PHF20L1: variants seen among roughly 807,000 people sequenced by gnomAD.
PHF20L1 encodes PHD finger protein 20-like protein 1.
PHF20L1 carries 44 observed loss-of-function variants against 125.5 expected under a neutral mutation model. That is an observed-to-expected ratio of 0.35 (90% confidence interval 0.28 to 0.45). The LOEUF (loss-of-function observed/expected upper bound fraction) is 0.45, where lower values mean the gene tolerates loss of function less well. PHF20L1 is among the 20% of genes least tolerant of loss of function. The pLI, the probability that PHF20L1 is intolerant of heterozygous loss-of-function variation, is 1.00. For missense variants in PHF20L1, 1,012 were observed against 1,217.2 expected, an observed-to-expected ratio of 0.83 and a Z score of 2.51; for synonymous variants, 380 against 403.1, an observed-to-expected ratio of 0.94 and a Z score of 0.69.
chr8:132,818,275 C>T (rs1052360554), intron 12 of PHF20L1: 2 of 151,784 alleles, frequency 1.3e-5, no homozygotes, highest in African/African-American at 2.4e-5. Context: ...AAATGCACTT[C>T]TGGTAAATTA....
chr8:132,781,398 T>G (rs1830408572), intron 2 of PHF20L1, among the ~76,000 whole-genome samples: 2 of 152,142 alleles, frequency 1.3e-5, no homozygotes, highest in African/African-American at 4.8e-5. Context: ...GTGATTTATT[T>G]ATTTTTATTT....
chr8:132,803,745 A>G lies in PHF20L1; in HGVS notation c.508-74A>G, dbSNP rs1002746069. ...GTGAAAGTAGCTTTGAAAATGTGACACATATTTTTATTAGTGTAATTACAT... is the reference window on the plus strand; with the variant it reads ...GTGAAAGTAGCTTTGAAAATGTGACGCATATTTTTATTAGTGTAATTACAT... On this transcript the variant is annotated intron_variant, in intron 6 of 20. Coordinates refer to ENST00000395386, the MANE Select transcript of PHF20L1 (RefSeq NM_016018.5). The G allele has an allele frequency of 1.2e-5, 9 of 762,390 alleles. No individual in the cohort carries two copies. In the African/African-American group the frequency reaches 1.2e-4, roughly 10 times the overall value. The allele number at this position is 762,390 out of a possible 1,614,324, so 47.2% of individuals were successfully genotyped here.
chr8:132,794,655 A>C (rs904979586), intron 3 of PHF20L1, 74 bp downstream of exon 3: 39 of 1,502,084 alleles, frequency 2.6e-5, no homozygotes, highest in Admixed American at 3.7e-5. Flanking sequence ...ATTCTGTTAA[A>C]TTATACAAAA....
At chr8:132,810,825 T>G in intron 8 of PHF20L1, 1 of 466,142 alleles carries the variant, frequency 2.1e-6, no homozygotes, top group Non-Finnish European at 3.9e-6. Context: ...TGAGTAATAT[T>G]AAACAACAGA....
intron 13 of PHF20L1, 184 bp from the exon 14 acceptor site, chr8:132,825,080 C>G: frequency 6.6e-7 from 1 of 1,504,062 alleles, no homozygotes. Flanking sequence ...AAGATCCCCT[C>G]TTATAGTCCA....
In PHF20L1 at chr8:132,780,844, CT is replaced by C. The variant is rs199806400; in HGVS notation, c.83+2951del. On this transcript the variant is annotated intron_variant, in intron 2 of 20. Coordinates refer to ENST00000395386, the MANE Select transcript of PHF20L1 (RefSeq NM_016018.5). ...AAATGCCTATTAAAGGTTTTTCTTGCTTTTTTTTTTTTTTTTTTGAGACAGA... is the reference window on the plus strand; with the variant it reads ...AAATGCCTATTAAAGGTTTTTCTTGCTTTTTTTTTTTTTTTTTGAGACAGA... Among the ~76,000 whole-genome samples the C allele has an allele frequency of 2.2e-3, 288 of 129,632 alleles. 2 individuals carry two copies. Among genetic ancestry groups the C allele is most frequent in the African/African-American group, 4.1e-3 (145 of 35,358 alleles). 85.0% of individuals were successfully genotyped at this position (129,632 alleles called of 152,430 possible). A position where few individuals can be genotyped will look rare whatever the true frequency, so the allele number is the denominator to read the frequency against.
At chr8:132,814,069 TGCTTATGAAACTCTA>T (rs1834697741) in intron 9 of PHF20L1, among the ~76,000 whole-genome samples, 3 of 151,898 alleles carry the variant, frequency 2.0e-5, no homozygotes, top group Admixed American at 6.6e-5. Context: ...TGATGCATTG[TGCTTATGAAACTCTA>T]GCTTTCAGCA....
intron 12 of PHF20L1, chr8:132,818,615 A>T (rs940517106): frequency 4.5e-4 from 69 of 151,996 alleles, no homozygotes; most frequent in African/African-American, 1.6e-3. Flanking sequence ...CAATACCCAA[A>T]TGTGAATATT....
At chr8:132,812,236 T>A in intron 9 of PHF20L1, 3 of 981,938 alleles carry the variant, frequency 3.1e-6, no homozygotes, top group Non-Finnish European at 3.6e-6. Context: ...AACAATATTT[T>A]GTATTTTCAC....
chr8:132,803,528 A>C (rs1359418553), intron 6 of PHF20L1: 1 of 323,610 alleles, frequency 3.1e-6, no homozygotes, highest in African/African-American at 2.2e-5. Flanking sequence ...CATATCTGCC[A>C]TAGGTTTCCT....
At chr8:132,805,384 AG>A (rs1833565958) in intron 8 of PHF20L1, among the ~76,000 whole-genome samples, 1 of 151,916 alleles carries the variant, frequency 6.6e-6, no homozygotes. Context: ...TTCATGGAAG[AG>A]GGGATTGAAG....
intron 2 of PHF20L1, among the ~76,000 whole-genome samples, chr8:132,784,711 T>C (rs1484161391): frequency 6.6e-6 from 1 of 152,214 alleles, no homozygotes; most frequent in Non-Finnish European, 1.5e-5. Context: ...ACCTTTTGGC[T>C]CCCAATATAG....
intron 12 of PHF20L1, among the ~76,000 whole-genome samples, chr8:132,821,604 C>A (rs1257004189): frequency 6.6e-6 from 1 of 151,954 alleles, no homozygotes; most frequent in African/African-American, 2.4e-5. Context: ...TTCATGGCTT[C>A]TACAGAGCCT....
intron 8 of PHF20L1, chr8:132,807,847 C>T (rs975117727): frequency 1.6e-5 from 7 of 438,038 alleles, no homozygotes; most frequent in Non-Finnish European, 3.2e-5. Context: ...TTTCTTGAAG[C>T]AGTGTAATGC....
chr8:132,833,499 G>A (rs774611675), intron 15 of PHF20L1, among the ~76,000 whole-genome samples: 1 of 151,930 alleles, frequency 6.6e-6, no homozygotes, highest in Non-Finnish European at 1.5e-5. Flanking sequence ...TCATTGCTGC[G>A]GTTCTTCTAA....
intron 1 of PHF20L1, among the ~76,000 whole-genome samples, chr8:132,776,043 TC>T (rs1375147142): frequency 6.6e-6 from 1 of 152,166 alleles, no homozygotes; most frequent in East Asian, 1.9e-4. Context: ...TCCGAAAACT[TC>T]CACTGTCCTA....
At chr8:132,825,477 G>A (rs574361820) in intron 14 of PHF20L1, 106 bp downstream of exon 14, 34 of 894,168 alleles carry the variant, frequency 3.8e-5, no homozygotes, top group Middle Eastern at 3.8e-4. Context: ...CCCGTGTCCC[G>A]TGTTGAGAAC....
chr8:132,798,965 G>T, intron 5 of PHF20L1, 105 bp downstream of exon 5: 1 of 1,040,304 alleles, frequency 9.6e-7, no homozygotes. Context: ...ACTAATTGTA[G>T]GGTTATGTGC....
chr8:132,780,497 C>A (rs918882421), intron 2 of PHF20L1, among the ~76,000 whole-genome samples: 15 of 152,110 alleles, frequency 9.9e-5, no homozygotes, highest in African/African-American at 3.1e-4. Context: ...TGAAAATATA[C>A]AGAAATTTCT....
Sources: allele counts gnomAD v4.1 joint callset (sites outside exome capture counted in the v4.1 genomes callset), GRCh38; gene constraint gnomAD v4.1.1; transcripts MANE v1.5; gene names NCBI Gene and HGNC (gene_info 2026-07-23, HGNC 2026-07-21).